Variants in GABRG3 observed in about 807,000 individuals in gnomAD.
The protein encoded by GABRG3 is gamma-aminobutyric acid receptor subunit gamma-3.
Under a neutral mutation model 48.8 loss-of-function variants are expected in GABRG3, and 25 were observed. The observed-to-expected ratio is 0.51, with a 90% confidence interval of 0.37 to 0.72. The LOEUF is 0.72. Among genes scored for constraint, GABRG3 ranks in the 30% least tolerant of loss-of-function variants. GABRG3 has a pLI of 0.00. For synonymous variants in GABRG3, 227 were observed against 217.6 expected (o/e 1.04, Z -0.38); for missense variants, 394 against 577.9 (o/e 0.68, Z 3.26).
rs771788202 is a variant in GABRG3 at position 27,507,416 on chromosome 15, A to G, written c.713-12556A>G. Reference sequence around the variant, plus strand: ...CTACTCAGGAGGCTGAGGTAGGAGAATGGCTTGAACTCAGCAAGCAGAGGC... The same window carrying G: ...CTACTCAGGAGGCTGAGGTAGGAGAGTGGCTTGAACTCAGCAAGCAGAGGC... On this transcript the variant is annotated intron_variant, in intron 6 of 9. Coordinates refer to ENST00000615808, the MANE Select transcript of GABRG3 (RefSeq NM_033223.5). Among the ~76,000 whole-genome samples the G allele has an allele frequency of 4.1e-4, 63 of 152,266 alleles. No homozygotes were observed. The Middle Eastern group carries it at 0.01, about 25-fold the overall frequency.
At chr15:27,134,758 C>CTATGCGAT (rs1897978594) in intron 3 of GABRG3, among the ~76,000 whole-genome samples, 1 of 152,172 alleles carries the variant, frequency 6.6e-6, no homozygotes, top group African/African-American at 2.4e-5. Flanking sequence ...CACAGAGGTA[C>CTATGCGAT]TATGCGATCA....
intron 3 of GABRG3, among the ~76,000 whole-genome samples, chr15:27,071,375 G>A (rs1896823967): frequency 1.3e-5 from 2 of 152,188 alleles, no homozygotes; most frequent in Admixed American, 1.3e-4. Context: ...CTAGAGGAAG[G>A]CCTGTGCTAA....
At chr15:27,082,391 G>A (rs941009086) in intron 3 of GABRG3, among the ~76,000 whole-genome samples, 11 of 152,202 alleles carry the variant, frequency 7.2e-5, no homozygotes, top group African/African-American at 2.7e-4. Context: ...TTGCATTTAT[G>A]CGGGGAACGC....
At chr15:27,430,861 G>A (rs1164534915) in intron 5 of GABRG3, among the ~76,000 whole-genome samples, 2 of 151,818 alleles carry the variant, frequency 1.3e-5, no homozygotes, top group Non-Finnish European at 2.9e-5. Context: ...GTGGTGGCAG[G>A]CGCCTGTAAT....
intron 3 of GABRG3, among the ~76,000 whole-genome samples, chr15:27,191,885 A>C (rs1469741565): frequency 2.6e-5 from 4 of 151,438 alleles, no homozygotes; most frequent in African/African-American, 9.7e-5. Context: ...TTCTATGTTT[A>C]GTGCTTCCTT....
intron 5 of GABRG3, among the ~76,000 whole-genome samples, chr15:27,351,460 T>G (rs575350850): frequency 1.3e-5 from 2 of 148,148 alleles, no homozygotes; most frequent in African/African-American, 5.1e-5. Flanking sequence ...TGTGTGTGTT[T>G]GTGTGTGTAT....
At position 27,297,800 on chromosome 15, in the gene GABRG3, CAT is replaced by C. The variant is rs768151645; in HGVS notation, c.271-29006_271-29005del. On this transcript the variant is annotated intron_variant, in intron 3 of 9. Transcript: ENST00000615808. Reference sequence around the variant, plus strand: ...TTGTAACAATGTGTTGAGTTTGTAACATATGTAAGTTTTATACTATAACAATA... The same window carrying C: ...TTGTAACAATGTGTTGAGTTTGTAACATGTAAGTTTTATACTATAACAATA... Among the ~76,000 whole-genome samples, 4 of 152,040 alleles carry C rather than the reference CAT, an allele frequency of 2.6e-5. 1 individual carries two copies. Among genetic ancestry groups the C allele is most frequent in the Admixed American group, 2.0e-4 (3 of 15,266 alleles).
chr15:27,116,938 A>G (rs1897651254), intron 3 of GABRG3, among the ~76,000 whole-genome samples: 1 of 152,190 alleles, frequency 6.6e-6, no homozygotes, highest in South Asian at 2.1e-4. Flanking sequence ...CACCTCCAGA[A>G]CCATGAGAAA....
rs1229639979 is a variant in GABRG3, at chr15:27,388,369, AAAGG to A, written c.574+59496_574+59499del. Among the ~76,000 whole-genome samples, 58 of 31,924 alleles carry A rather than the reference AAAGG, an allele frequency of 1.8e-3. 5 individuals carry two copies. The highest frequency in any genetic ancestry group is 2.5e-3 in the African/African-American group (27 of 10,822). The allele number at this position is 31,924 out of a possible 152,430, so 20.9% of individuals were successfully genotyped here. A position where few individuals can be genotyped will look rare whatever the true frequency, so the allele number is the denominator to read the frequency against. On this transcript the variant is annotated intron_variant, in intron 5 of 9. Transcript: ENST00000615808. ...GAGGGAGGGTAAGGAAGGAAGGAAG[AAAGG>A]AAGGAAGGAAGGAAAGGAGGGAGGG...
intron 1 of GABRG3, among the ~76,000 whole-genome samples, chr15:26,972,527 TTTCCCCACCCTA>T (rs1678899889): frequency 2.0e-5 from 3 of 152,140 alleles, no homozygotes; most frequent in South Asian, 4.2e-4. Flanking sequence ...CCTTTACCTC[TTTCCCCACCCTA>T]GGAAGCTCAG....
At chr15:27,231,459 G>A (rs1040012575) in intron 3 of GABRG3, among the ~76,000 whole-genome samples, 1 of 152,184 alleles carries the variant, frequency 6.6e-6, no homozygotes, top group African/African-American at 2.4e-5. Flanking sequence ...AGGGAGAAGA[G>A]GAGCAGGAGG....
intron 5 of GABRG3, among the ~76,000 whole-genome samples, chr15:27,361,572 C>G (rs1466553278): frequency 6.6e-6 from 1 of 152,184 alleles, no homozygotes; most frequent in Non-Finnish European, 1.5e-5. Context: ...CCCCCTTGAG[C>G]TCCCCTGCCA....
At chr15:27,042,149 C>T (rs979038328) in intron 3 of GABRG3, among the ~76,000 whole-genome samples, 28 of 152,196 alleles carry the variant, frequency 1.8e-4, no homozygotes, top group African/African-American at 6.5e-4. Context: ...TGGATGCAAG[C>T]GGCTGCCCAT....
intron 3 of GABRG3, among the ~76,000 whole-genome samples, chr15:27,067,401 C>T (rs893329353): frequency 1.3e-5 from 2 of 152,326 alleles, no homozygotes; most frequent in African/African-American, 2.4e-5. Flanking sequence ...ATGGAGGGAG[C>T]GTGTTCCTGC....
At chr15:27,258,555 C>T (rs1357982168) in intron 3 of GABRG3, among the ~76,000 whole-genome samples, 1 of 152,150 alleles carries the variant, frequency 6.6e-6, no homozygotes, top group Admixed American at 6.5e-5. Context: ...TTGGCTTGCT[C>T]TGAGACCAAA....
chr15:27,109,526 T>C (rs1897507998), intron 3 of GABRG3, among the ~76,000 whole-genome samples: 1 of 152,210 alleles, frequency 6.6e-6, no homozygotes, highest in Non-Finnish European at 1.5e-5. Flanking sequence ...CAATGATTGT[T>C]TTCCTGTCGC....
chr15:27,031,057 C>CAG (rs1896076406), intron 3 of GABRG3, among the ~76,000 whole-genome samples: 1 of 99,304 alleles, frequency 1.0e-5, no homozygotes, highest in Non-Finnish European at 2.1e-5. Context: ...CCTCTACACA[C>CAG]ACACAGACAC....
At chr15:27,227,402 G>A (rs202082702) in intron 3 of GABRG3, among the ~76,000 whole-genome samples, 3 of 152,212 alleles carry the variant, frequency 2.0e-5, no homozygotes, top group African/African-American at 7.2e-5. Flanking sequence ...GGAGGCTGAG[G>A]GGGGAGGATC....
intron 5 of GABRG3, among the ~76,000 whole-genome samples, chr15:27,413,448 G>A (rs575164715): frequency 4.6e-5 from 7 of 152,280 alleles, no homozygotes; most frequent in African/African-American, 1.7e-4. Flanking sequence ...GGGGAAAACG[G>A]TATTTTGAAA....
Sources: allele counts gnomAD v4.1 joint callset (sites outside exome capture counted in the v4.1 genomes callset), GRCh38; gene constraint gnomAD v4.1.1; transcripts MANE v1.5; gene names NCBI Gene and HGNC (gene_info 2026-07-23, HGNC 2026-07-21).